The following DNAH11 variants were observed in gnomAD, a reference collection of about 807,000 sequenced individuals.
DNAH11 encodes axonemal beta dynein heavy chain 11.
In DNAH11, 442 loss-of-function variants were observed where a neutral mutation model predicts 526.0. The ratio of observed to expected loss-of-function variants is 0.84; its 90% CI spans 0.78 to 0.91. The LOEUF (loss-of-function observed/expected upper bound fraction) is 0.91, where lower values mean the gene tolerates loss of function less well. Ranked by LOEUF, DNAH11 falls within the 40% of genes least tolerant of loss-of-function variation. The pLI is 0.00. For missense variants in DNAH11, 6,989 were observed against 5,448.7 expected, an observed-to-expected ratio of 1.28 and a Z score of -8.90; for synonymous variants, 2,461 against 1,935.9, an observed-to-expected ratio of 1.27 and a Z score of -7.12.
At chr7:21,854,493 G>A in intron 68 of DNAH11, 38 bp downstream of exon 68, 1 of 1,588,762 alleles carries the variant, frequency 6.3e-7, no homozygotes, top group Non-Finnish European at 8.6e-7. Context: ...GGAAACTTTA[G>A]GAGTTCAATT....
At chr7:21,764,471 C>G (rs762833107) in intron 54 of DNAH11, among the ~76,000 whole-genome samples, 2 of 121,548 alleles carry the variant, frequency 1.6e-5, no homozygotes, top group African/African-American at 3.0e-5. Flanking sequence ...GAAGAGGAAA[C>G]CAAGATTCTC....
chr7:21,733,526 A>G (rs78624021), intron 45 of DNAH11, among the ~76,000 whole-genome samples: 3,378 of 151,994 alleles, frequency 0.022, 58 homozygotes, highest in East Asian at 0.09. Flanking sequence ...AGCTGGTTGA[A>G]GGCTGAGAAC....
intron 30 of DNAH11, among the ~76,000 whole-genome samples, chr7:21,663,078 C>G (rs996519530): frequency 6.6e-6 from 1 of 152,086 alleles, no homozygotes; most frequent in Non-Finnish European, 1.5e-5. Flanking sequence ...GAACATGTGA[C>G]ATTTGTCTAT....
At chr7:21,769,031 A>G (rs1787304687) in intron 55 of DNAH11, among the ~76,000 whole-genome samples, 1 of 152,118 alleles carries the variant, frequency 6.6e-6, no homozygotes. Context: ...ATTATTCAAT[A>G]TGAATAAAAA....
chr7:21,777,416 A>G (rs1046687944), intron 56 of DNAH11, among the ~76,000 whole-genome samples: 3 of 151,868 alleles, frequency 2.0e-5, no homozygotes, highest in East Asian at 1.9e-4. Context: ...TTTTGTAGGC[A>G]TAAATCCACA....
At chr7:21,585,592 A>G (rs1583503223) in intron 9 of DNAH11, among the ~76,000 whole-genome samples, 1 of 152,294 alleles carries the variant, frequency 6.6e-6, no homozygotes, top group East Asian at 1.9e-4. Flanking sequence ...ACCAAAACCA[A>G]ATACTACTGA....
intron 23 of DNAH11, 82 bp from the exon 24 acceptor site, chr7:21,619,018 A>G: frequency 6.4e-7 from 1 of 1,561,748 alleles, no homozygotes; most frequent in Non-Finnish European, 8.8e-7. Flanking sequence ...ATTTTAGTTA[A>G]GATTCATTTC....
At chr7:21,647,218 T>C (rs1787394736) in intron 28 of DNAH11, among the ~76,000 whole-genome samples, 1 of 151,980 alleles carries the variant, frequency 6.6e-6, no homozygotes, top group Admixed American at 6.6e-5. Context: ...AAAGTGTAAA[T>C]TCACAGACTT....
chr7:21,601,586 A>C lies in DNAH11; in HGVS notation c.3616A>C (p.Lys1206Gln). Reference sequence around the variant, plus strand: ...CACCCTCTTGGAAAGCTATGGCCAGAAGATGCCTGAGCAGGTCTATATTCA... The same window carrying C: ...CACCCTCTTGGAAAGCTATGGCCAGCAGATGCCTGAGCAGGTCTATATTCA... ...TITLLESYGQ[K>Q]MPEQVYIQLE... Residue 1206 changes from lysine (K) to glutamine (Q), a missense_variant, in exon 18 of 82, where the codon AAG (lysine) becomes CAG (glutamine). Physicochemically the swap from Lys to Gln is moderately conservative, Grantham distance 53. Coordinates refer to ENST00000409508, the MANE Select transcript of DNAH11 (RefSeq NM_001277115.2). 1.3e-6 allele frequency: 2 copies of C among 1,599,750 alleles called. No individual in the cohort carries two copies. The highest frequency in any genetic ancestry group is 1.7e-6 in the Non-Finnish European group (2 of 1,169,190).
In DNAH11 at chr7:21,765,509, A is replaced by G. The variant is rs369862935; in HGVS notation, c.9022A>G (p.Ile3008Val). ...KFPAIVNCTA[I>V]DWFHAWPQEA... ...CCCAGCCATAGTTAACTGCACGGCT[A>G]TTGACTGGTTTCATGCGTGGCCGCA... The change falls in exon 55 of 82, where the codon ATT (isoleucine) becomes GTT (valine). Residue 3008 changes from isoleucine to valine, a missense_variant. Ile to Val is a conservative substitution (Grantham distance 29). Transcript: ENST00000409508. The G allele has an allele frequency of 7.7e-5, 124 of 1,613,750 alleles. No homozygotes were observed. The African/African-American group carries it at 1.3e-3, about 16-fold the overall frequency.
chr7:21,606,879 C>T (rs1308453998), intron 20 of DNAH11, 146 bp downstream of exon 20: 19 of 716,038 alleles, frequency 2.7e-5, no homozygotes, highest in Non-Finnish European at 3.4e-5. Flanking sequence ...GCAATTTCCC[C>T]TTAAGTAAAT....
rs890173120 is a variant in DNAH11 at position 21,685,234 on chromosome 7, G to C, written c.5621+1290G>C. Among the ~76,000 whole-genome samples, 12 of 152,176 alleles carry C rather than the reference G, an allele frequency of 7.9e-5. 1 individual carries two copies. Among genetic ancestry groups the C allele is most frequent in the African/African-American group, 2.7e-4 (11 of 41,432 alleles). Reference sequence around the variant, plus strand: ...ATTGTAGCTTGATGAAGTCACTTGAGAATAGTCAAAACTGCAAATGTGAAG... The same window carrying C: ...ATTGTAGCTTGATGAAGTCACTTGACAATAGTCAAAACTGCAAATGTGAAG... On this transcript the variant is annotated intron_variant, in intron 32 of 81. Coordinates refer to ENST00000409508, the MANE Select transcript of DNAH11 (RefSeq NM_001277115.2).
At chr7:21,791,079 T>C (rs1429125477) in intron 61 of DNAH11, among the ~76,000 whole-genome samples, 2 of 152,140 alleles carry the variant, frequency 1.3e-5, no homozygotes, top group African/African-American at 4.8e-5. Context: ...CGTTCAAGGC[T>C]GGCTGATGAG....
chr7:21,789,820 C>CTTT (rs1243823071), intron 61 of DNAH11, among the ~76,000 whole-genome samples: 24 of 85,964 alleles, frequency 2.8e-4, no homozygotes, highest in South Asian at 3.6e-4. Flanking sequence ...TTCTTTCTTT[C>CTTT]TTTCTTTCTT....
chr7:21,805,164 G>A (rs78504651), intron 62 of DNAH11, among the ~76,000 whole-genome samples: 9,060 of 152,096 alleles, frequency 0.06, 872 homozygotes, highest in African/African-American at 0.2. Context: ...ACCCCCACTC[G>A]TTCACACGCA....
Position 21,687,178 on chromosome 7 carries a change from G to C in DNAH11, c.5701G>C (p.Glu1901Gln). Reference sequence around the variant, plus strand: ...TGGCCCAGCTGGTACCGGGAAAACAGAGACCACCAAAGACCTAGGACGTGC... The same window carrying C: ...TGGCCCAGCTGGTACCGGGAAAACACAGACCACCAAAGACCTAGGACGTGC... ...PAGPAGTGKTETTKDLGRALG... is the reference protein window; with the variant it reads ...PAGPAGTGKTQTTKDLGRALG... Residue 1901 changes from glutamate (E) to glutamine (Q), a missense_variant, in exon 33 of 82, where the codon GAG becomes CAG. Transcript: ENST00000409508. 1 of 1,613,000 alleles carries C rather than the reference G, an allele frequency of 6.2e-7. No homozygotes were observed. Among genetic ancestry groups the C allele is most frequent in the South Asian group, 1.1e-5 (1 of 90,834 alleles).
chr7:21,754,040 T>C (rs1220012273), intron 54 of DNAH11, among the ~76,000 whole-genome samples: 1 of 152,228 alleles, frequency 6.6e-6, no homozygotes, highest in Non-Finnish European at 1.5e-5. Context: ...TAGTTTATAA[T>C]AGTTGGTTGA....
intron 28 of DNAH11, among the ~76,000 whole-genome samples, chr7:21,640,070 G>C (rs1297588138): frequency 6.6e-6 from 1 of 152,146 alleles, no homozygotes; most frequent in Non-Finnish European, 1.5e-5. Context: ...TAATACAAGT[G>C]CAGTCGTGCT....
chr7:21,756,587 A>G (rs1193496139), intron 54 of DNAH11, among the ~76,000 whole-genome samples: 1 of 152,128 alleles, frequency 6.6e-6, no homozygotes, highest in Non-Finnish European at 1.5e-5. Context: ...TTTAGGGGAT[A>G]ATGGATATAA....
Sources: gnomAD v4.1 joint callset for allele counts (sites outside exome capture counted in the v4.1 genomes callset) on GRCh38, gnomAD v4.1.1 for gene constraint, MANE v1.5 for transcripts, NCBI Gene and HGNC (gene_info 2026-07-23, HGNC 2026-07-21) for gene names.